Variants in MAST4 observed in about 807,000 individuals in gnomAD.
The protein encoded by MAST4 is microtubule associated serine/threonine kinase family member 4, also known as microtubule-associated serine/threonine-protein kinase 4.
MAST4 carries 89 observed loss-of-function variants against 162.7 expected under a neutral mutation model. That is an observed-to-expected ratio of 0.55 (90% CI 0.46 to 0.65). The LOEUF is 0.65. Among genes scored for constraint, MAST4 ranks in the 30% least tolerant of loss-of-function variants. The pLI, the probability that MAST4 is intolerant of heterozygous loss-of-function variation, is 0.00. For missense variants in MAST4, 3,153 were observed against 3,374.0 expected (o/e 0.93, Z 1.62); for synonymous variants, 1,479 against 1,361.1 (o/e 1.09, Z -1.91).
intron 4 of MAST4, among the ~76,000 whole-genome samples, chr5:66,978,015 AC>A (rs1193765367): frequency 6.6e-6 from 1 of 152,216 alleles, no homozygotes. Flanking sequence ...TGCCTAAGGT[AC>A]TGTTGCTGTA....
intron 4 of MAST4, among the ~76,000 whole-genome samples, chr5:67,014,527 A>G: frequency 6.6e-6 from 1 of 152,214 alleles, no homozygotes. Context: ...TGAACCGTGG[A>G]ATAAAAGTTG....
At chr5:66,921,431 A>C (rs980871515) in intron 4 of MAST4, among the ~76,000 whole-genome samples, 1 of 152,184 alleles carries the variant, frequency 6.6e-6, no homozygotes, top group Non-Finnish European at 1.5e-5. Context: ...CTTATGTGAC[A>C]TTGTAAAAGA....
chr5:67,124,849 G>A (rs1330649833), intron 14 of MAST4, among the ~76,000 whole-genome samples: 1 of 152,198 alleles, frequency 6.6e-6, no homozygotes, highest in Non-Finnish European at 1.5e-5. Flanking sequence ...TAGTGCCACA[G>A]AGAGACCCAG....
intron 6 of MAST4, among the ~76,000 whole-genome samples, chr5:67,095,251 C>T (rs1440748589): frequency 6.6e-6 from 1 of 152,170 alleles, no homozygotes; most frequent in Non-Finnish European, 1.5e-5. Flanking sequence ...TTATCAGCTT[C>T]CAGATGAGAG....
At chr5:67,130,144 C>T in intron 14 of MAST4, 66 bp from the exon 15 acceptor site, 2 of 1,426,854 alleles carry the variant, frequency 1.4e-6, no homozygotes, top group South Asian at 1.2e-5. Context: ...ATATGGTTTA[C>T]TGTATCCCCA....
intron 5 of MAST4, among the ~76,000 whole-genome samples, chr5:67,056,682 T>G (rs1178298038): frequency 6.6e-6 from 1 of 152,098 alleles, no homozygotes; most frequent in Non-Finnish European, 1.5e-5. Flanking sequence ...AAGCCTGTCA[T>G]TCAGGTTCTA....
chr5:67,018,596 T>C (rs1753601803), intron 4 of MAST4, among the ~76,000 whole-genome samples: 1 of 152,172 alleles, frequency 6.6e-6, no homozygotes, highest in Admixed American at 6.5e-5. Flanking sequence ...CAGGAAATTG[T>C]TAAAAATAAT....
Position 66,677,889 on chromosome 5 carries a change from C to T in MAST4, c.363+80871C>T, listed in dbSNP as rs114806231. On this transcript the variant is annotated intron_variant, in intron 1 of 28. Transcript: ENST00000403625. ...GATGTAGCTCTCTATCAGAATTGCC[C>T]GATGAACTTGTTGAAAATGCAGATT... is the stretch of plus-strand genomic sequence containing the variant. 2.6e-3 allele frequency among the ~76,000 whole-genome samples: 403 copies of T among 152,146 alleles called. 2 individuals are homozygous for T. Among genetic ancestry groups the T allele is most frequent in the African/African-American group, 9.2e-3 (382 of 41,504 alleles).
At position 67,163,645 on chromosome 5, in the gene MAST4, T is replaced by C; in HGVS notation, c.4466T>C (p.Leu1489Pro). 1 of 1,607,994 alleles carries C rather than the reference T, an allele frequency of 6.2e-7. No individual in the cohort carries two copies. Among genetic ancestry groups the C allele is most frequent in the Non-Finnish European group, 8.5e-7 (1 of 1,177,864 alleles). ...QSQREAPLQSLDENVCDVPPL... is the reference protein window; with the variant it reads ...QSQREAPLQSPDENVCDVPPL... ...CAGCGGGAGGCGCCGCTGCAGAGCCTGGATGAGAACGTGTGCGACGTGCCG... is the reference window on the plus strand; with the variant it reads ...CAGCGGGAGGCGCCGCTGCAGAGCCCGGATGAGAACGTGTGCGACGTGCCG... The change falls in exon 29 of 29, where the codon CTG (leucine) becomes CCG (proline). Residue 1489 changes from leucine to proline, a missense_variant. Transcript: ENST00000403625. This position sits in a 1 kb window ranked among gnomAD's most constrained non-coding sequence, Gnocchi z 7.0.
chr5:66,977,156 A>G (rs1337581400), intron 4 of MAST4, among the ~76,000 whole-genome samples: 2 of 152,088 alleles, frequency 1.3e-5, no homozygotes, highest in Non-Finnish European at 2.9e-5. Context: ...ACTGGAGTGC[A>G]ATGGTGCGAT....
At chr5:66,635,540 T>G (rs916055734) in intron 1 of MAST4, among the ~76,000 whole-genome samples, 1 of 152,214 alleles carries the variant, frequency 6.6e-6, no homozygotes, top group African/African-American at 2.4e-5. Flanking sequence ...GAATATGAAC[T>G]GGAATCAGGT....
intron 1 of MAST4, among the ~76,000 whole-genome samples, chr5:66,710,703 G>A (rs998994227): frequency 1.1e-4 from 16 of 152,118 alleles, no homozygotes; most frequent in African/African-American, 2.2e-4. Context: ...TTGTGGACCC[G>A]CCGTCTGGGT....
intron 1 of MAST4, among the ~76,000 whole-genome samples, chr5:66,637,241 CT>C (rs11397237): frequency 9.1e-4 from 132 of 145,588 alleles, no homozygotes; most frequent in South Asian, 2.8e-3. Context: ...TATTTCCATT[CT>C]TTTTTTTTTT....
intron 4 of MAST4, among the ~76,000 whole-genome samples, chr5:67,025,444 A>G (rs1211012149): frequency 6.6e-6 from 1 of 152,194 alleles, no homozygotes; most frequent in East Asian, 1.9e-4. Flanking sequence ...TAGTGAAAAT[A>G]ATAATTTTTT....
At chr5:66,838,564 A>G (rs927457113) in intron 3 of MAST4, among the ~76,000 whole-genome samples, 1 of 152,200 alleles carries the variant, frequency 6.6e-6, no homozygotes, top group African/African-American at 2.4e-5. Flanking sequence ...GACAGACAAC[A>G]GTTTCTGAAA....
intron 3 of MAST4, among the ~76,000 whole-genome samples, chr5:66,808,100 A>G (rs1409953043): frequency 1.3e-5 from 2 of 152,238 alleles, no homozygotes; most frequent in African/African-American, 4.8e-5. Flanking sequence ...CTCTTTTCCC[A>G]GCTTCCGTGT....
In MAST4 at chr5:67,149,422, A is replaced by G; in HGVS notation, c.3128A>G (p.Asn1043Ser). Residue 1043 changes from asparagine to serine, a missense_variant, in exon 24 of 29, where the codon AAT becomes AGT. Transcript: ENST00000403625. Reference sequence around the variant, plus strand: ...TTTTCAGAGCACTTGGATCAGATAAATGGACGAAGCGAGTGTGTGGACAGT... The same window carrying G: ...TTTTCAGAGCACTTGGATCAGATAAGTGGACGAAGCGAGTGTGTGGACAGT... ...GSFSEHLDQINGRSECVDSTD... is the reference protein window; with the variant it reads ...GSFSEHLDQISGRSECVDSTD... 6 of 1,613,490 alleles carry G rather than the reference A, an allele frequency of 3.7e-6. No homozygotes were observed. The highest frequency in any genetic ancestry group is 4.2e-6 in the Non-Finnish European group (5 of 1,179,716).
chr5:66,684,378 T>G (rs1006497413), intron 1 of MAST4, among the ~76,000 whole-genome samples: 3 of 152,208 alleles, frequency 2.0e-5, no homozygotes, highest in Non-Finnish European at 4.4e-5. Context: ...TCTTTTCTTT[T>G]TTATGTTCTA....
intron 4 of MAST4, among the ~76,000 whole-genome samples, chr5:66,949,498 C>A (rs921999404): frequency 6.6e-6 from 1 of 152,170 alleles, no homozygotes; most frequent in Non-Finnish European, 1.5e-5. Context: ...GCTTCCCCTT[C>A]CGCCATGATT....
Sources: gnomAD v4.1 joint callset for allele counts (sites outside exome capture counted in the v4.1 genomes callset) on GRCh38, gnomAD v4.1.1 for gene constraint, Gnocchi (gnomAD v3.1) non-coding constraint, MANE v1.5 for transcripts, NCBI Gene and HGNC (gene_info 2026-07-23, HGNC 2026-07-21) for gene names.